Variants in SLC14A1 observed in about 807,000 individuals in gnomAD.
The protein encoded by SLC14A1 is urea transporter 1.
Under a neutral mutation model 39.6 loss-of-function variants are expected in SLC14A1, and 36 were observed. That is an observed-to-expected ratio of 0.91 (90% confidence interval 0.70 to 1.20). The LOEUF is 1.20. Ranked by LOEUF, SLC14A1 falls within the 50% of genes most tolerant of loss-of-function variation. The pLI, the probability that SLC14A1 is intolerant of heterozygous loss-of-function variation, is 0.00. For synonymous variants in SLC14A1, 164 were observed against 173.6 expected (o/e 0.94, Z 0.43); for missense variants, 469 against 478.7 (o/e 0.98, Z 0.19).
At chr18:45,728,189 G>A (rs1041884519) in intron 2 of SLC14A1, among the ~76,000 whole-genome samples, 1 of 152,146 alleles carries the variant, frequency 6.6e-6, no homozygotes, top group African/African-American at 2.4e-5. Context: ...AGGAGACTCG[G>A]GCCGCTCAGG....
At chr18:45,736,703 C>T (rs2047207541) in intron 6 of SLC14A1, 55 bp downstream of exon 6, 2 of 1,496,554 alleles carry the variant, frequency 1.3e-6, no homozygotes. Context: ...ACGCAATGGC[C>T]TCCTGGTCAA....
rs562226092 is a variant in SLC14A1, at chr18:45,733,924, T to C, written c.342-350T>C. 2.6e-5 allele frequency among the ~76,000 whole-genome samples: 4 copies of C among 152,324 alleles called. No individual in the cohort carries two copies. In the South Asian group the frequency reaches 8.3e-4, roughly 32 times the overall value. On this transcript the variant is annotated intron_variant, in intron 4 of 9. Coordinates refer to ENST00000321925, the MANE Select transcript of SLC14A1 (RefSeq NM_015865.7). ...TGGGCATGTGAGGGATCTAGGTTGC[T>C]TGCTCCTTATGAGAATCTAATGCCT... is the stretch of plus-strand genomic sequence containing the variant.
intron 8 of SLC14A1, among the ~76,000 whole-genome samples, chr18:45,742,356 T>TTG (rs1555648958): frequency 3.5e-5 from 5 of 144,376 alleles, no homozygotes; most frequent in Non-Finnish European, 6.1e-5. Flanking sequence ...TTTTTTGGTT[T>TTG]TTTTTTTTTT....
chr18:45,727,479 T>TG, intron 2 of SLC14A1: 2 of 1,497,614 alleles, frequency 1.3e-6, no homozygotes, highest in East Asian at 5.0e-5. Context: ...CAAACTCTGG[T>TG]GTATCTTTTC....
At chr18:45,731,546 T>G (rs1258786300) in intron 4 of SLC14A1, 1 of 355,148 alleles carries the variant, frequency 2.8e-6, no homozygotes, top group Non-Finnish European at 5.4e-6. Context: ...AAAAAGTGCA[T>G]ATGAATTCAG....
intron 5 of SLC14A1, 70 bp downstream of exon 5, chr18:45,734,472 T>G (rs1222048172): frequency 1.3e-6 from 2 of 1,541,304 alleles, no homozygotes; most frequent in Non-Finnish European, 1.8e-6. Context: ...GAATGGGAGT[T>G]GTTATATGGC....
At position 45,751,065 on chromosome 18, in the gene SLC14A1, T is replaced by A; in HGVS notation, c.*1114T>A. ...CACCAAAAAGAAATAAAGGGCTGAG[T>A]GCGGTGGCTCACGCCTGTAATCCCA... On this transcript the variant is annotated 3_prime_UTR_variant, in exon 10 of 10. Transcript: ENST00000321925. The A allele has an allele frequency of 1.0e-6, 1 of 980,070 alleles. No individual in the cohort carries two copies. 60.7% of individuals were successfully genotyped at this position (980,070 alleles called of 1,614,324 possible).
chr18:45,750,340 A>C lies in SLC14A1; in HGVS notation c.*389A>C. 9.1e-7 allele frequency: 1 copy of C among 1,103,624 alleles called. No homozygotes were observed. The highest frequency in any genetic ancestry group is 1.1e-6 in the Non-Finnish European group (1 of 901,482). 68.4% of individuals were successfully genotyped at this position (1,103,624 alleles called of 1,614,324 possible). A position where few individuals can be genotyped will look rare whatever the true frequency, so the allele number is the denominator to read the frequency against. ...AAAAATTAAACCCCATAAACCAACT[A>C]AGCCTTATGGAATTCACAGTCACAA... On this transcript the variant is annotated 3_prime_UTR_variant, in exon 10 of 10. Transcript: ENST00000321925.
At chr18:45,735,699 T>C (rs1465872588) in intron 5 of SLC14A1, among the ~76,000 whole-genome samples, 2 of 152,158 alleles carry the variant, frequency 1.3e-5, no homozygotes, top group Non-Finnish European at 2.9e-5. Context: ...CAGGAAGTAA[T>C]TTGGGCCCTG....
At chr18:45,749,703 A>C in intron 9 of SLC14A1, 75 bp from the exon 10 acceptor site, 13 of 1,551,946 alleles carry the variant, frequency 8.4e-6, no homozygotes, top group Non-Finnish European at 1.2e-5. Flanking sequence ...GAATGCAAGT[A>C]GAGGGGGATG....
chr18:45,730,004 A>G (rs1165528427), intron 2 of SLC14A1: 3 of 266,770 alleles, frequency 1.1e-5, no homozygotes, highest in East Asian at 1.3e-4. Context: ...ACTAGACTGA[A>G]CTCCTTAAGT....
intron 2 of SLC14A1, among the ~76,000 whole-genome samples, chr18:45,728,711 A>G (rs1568030125): frequency 6.6e-6 from 1 of 152,216 alleles, no homozygotes; most frequent in African/African-American, 2.4e-5. Context: ...TCAGCTCCAT[A>G]TGGACTTAAT....
intron 8 of SLC14A1, among the ~76,000 whole-genome samples, chr18:45,742,423 G>T (rs1468869375): frequency 1.4e-5 from 2 of 139,342 alleles, no homozygotes; most frequent in Admixed American, 7.7e-5. Flanking sequence ...ACAGTGGCAC[G>T]ATCTTGGCTC....
intron 8 of SLC14A1, among the ~76,000 whole-genome samples, chr18:45,742,228 T>G (rs1351807402): frequency 1.3e-5 from 2 of 152,020 alleles, no homozygotes; most frequent in African/African-American, 4.8e-5. Context: ...GTGGAAAGTG[T>G]GGTGCAGGCC....
intron 2 of SLC14A1, among the ~76,000 whole-genome samples, chr18:45,725,819 C>T (rs1343598173): frequency 6.6e-6 from 1 of 152,194 alleles, no homozygotes; most frequent in African/African-American, 2.4e-5. Context: ...GCTTGAACTA[C>T]GTGGTCTCTA....
intron 5 of SLC14A1, 121 bp from the exon 6 acceptor site, chr18:45,736,335 T>C: frequency 1.1e-6 from 1 of 888,518 alleles, no homozygotes; most frequent in Non-Finnish European, 1.9e-6. Flanking sequence ...GTGGCAAATG[T>C]GCCAACACAA....
chr18:45,742,777 C>T (rs559555815), intron 8 of SLC14A1, among the ~76,000 whole-genome samples: 9 of 148,450 alleles, frequency 6.1e-5, no homozygotes, highest in South Asian at 4.2e-4. Flanking sequence ...TCCCGGGTCC[C>T]GGTTCAAGCA....
intron 8 of SLC14A1, among the ~76,000 whole-genome samples, chr18:45,745,104 G>T (rs985361657): frequency 6.6e-6 from 1 of 152,172 alleles, no homozygotes. Flanking sequence ...TTAGCTGGGC[G>T]TGGTAGCACG....
intron 2 of SLC14A1, chr18:45,727,418 G>A (rs2046898806): frequency 1.3e-6 from 2 of 1,540,090 alleles, no homozygotes; most frequent in South Asian, 1.2e-5. Context: ...CGCAGGAACA[G>A]GTATGCTTCC....
Sources: gnomAD v4.1 joint callset for allele counts (sites outside exome capture counted in the v4.1 genomes callset) on GRCh38, gnomAD v4.1.1 for gene constraint, MANE v1.5 for transcripts, NCBI Gene and HGNC (gene_info 2026-07-23, HGNC 2026-07-21) for gene names.